HS6ST3: variants seen among roughly 807,000 people sequenced by gnomAD.
HS6ST3 encodes heparan sulfate 6-O-sulfotransferase 3, also known as heparan-sulfate 6-O-sulfotransferase 3.
A neutral mutation model predicts 36.7 loss-of-function variants in HS6ST3; 12 were observed. That is an observed-to-expected ratio of 0.33 (90% confidence interval 0.21 to 0.53). The LOEUF is 0.53. HS6ST3 is among the 20% of genes least tolerant of loss of function. The probability of loss-of-function intolerance (pLI) is 0.95; values close to 1 mark genes in which losing one functional copy is unlikely to be tolerated. For synonymous variants in HS6ST3, 240 were observed against 257.5 expected, an observed-to-expected ratio of 0.93 and a Z score of 0.65; for missense variants, 584 against 640.9, an observed-to-expected ratio of 0.91 and a Z score of 0.96.
chr13:96,387,827 C>G (rs188461714), intron 1 of HS6ST3, among the ~76,000 whole-genome samples: 2 of 152,266 alleles, frequency 1.3e-5, no homozygotes, highest in Middle Eastern at 3.4e-3. Flanking sequence ...GCATGATGAT[C>G]TTACAGGGGG....
chr13:96,391,359 G>C (rs748508818), intron 1 of HS6ST3, among the ~76,000 whole-genome samples: 1 of 152,128 alleles, frequency 6.6e-6, no homozygotes, highest in South Asian at 2.1e-4. Context: ...TGCATACTAA[G>C]ATTTATTTGA....
chr13:96,397,957 C>T (rs999677141), intron 1 of HS6ST3, among the ~76,000 whole-genome samples: 8 of 152,118 alleles, frequency 5.3e-5, no homozygotes, highest in African/African-American at 7.2e-5. Flanking sequence ...AGCTTCCAAA[C>T]GTAGTAGACA....
chr13:96,283,266 T>A (rs2139394824), intron 1 of HS6ST3, among the ~76,000 whole-genome samples: 1 of 152,356 alleles, frequency 6.6e-6, no homozygotes, highest in Non-Finnish European at 1.5e-5. Context: ...CTGGATTAAA[T>A]CATTGTTGTT....
At chr13:96,309,436 A>G (rs1020908692) in intron 1 of HS6ST3, among the ~76,000 whole-genome samples, 1 of 152,160 alleles carries the variant, frequency 6.6e-6, no homozygotes, top group African/African-American at 2.4e-5. Context: ...GAAATATTTA[A>G]TTGAATTCCT....
intron 1 of HS6ST3, among the ~76,000 whole-genome samples, chr13:96,406,132 T>C (rs909982212): frequency 1.3e-5 from 2 of 152,238 alleles, no homozygotes; most frequent in African/African-American, 4.8e-5. Flanking sequence ...GTATGTATTT[T>C]GGATTAGTTC....
intron 1 of HS6ST3, among the ~76,000 whole-genome samples, chr13:96,374,268 C>T (rs1009110182): frequency 2.0e-5 from 3 of 152,156 alleles, no homozygotes; most frequent in African/African-American, 7.2e-5. Flanking sequence ...ACCTAATTGA[C>T]AATCAATAAT....
chr13:96,357,839 TG>T (rs2139434269), intron 1 of HS6ST3, among the ~76,000 whole-genome samples: 1 of 152,294 alleles, frequency 6.6e-6, no homozygotes, highest in East Asian at 1.9e-4. Context: ...CCATCTCACG[TG>T]GGCTTGGTTG....
At chr13:96,335,890 G>T (rs1047636416) in intron 1 of HS6ST3, among the ~76,000 whole-genome samples, 1 of 152,184 alleles carries the variant, frequency 6.6e-6, no homozygotes, top group Non-Finnish European at 1.5e-5. Context: ...TTCTATATAT[G>T]AGACTTTCTT....
chr13:96,709,258 A>G (rs1271155214), intron 1 of HS6ST3, among the ~76,000 whole-genome samples: 1 of 152,214 alleles, frequency 6.6e-6, no homozygotes, highest in Non-Finnish European at 1.5e-5. Flanking sequence ...TCAGCCATGT[A>G]GAACTGTGAG....
intron 1 of HS6ST3, among the ~76,000 whole-genome samples, chr13:96,114,524 TA>T (rs1372179670): frequency 6.6e-6 from 1 of 152,196 alleles, no homozygotes; most frequent in Non-Finnish European, 1.5e-5. Context: ...CCAGTTCTGC[TA>T]CTTACCAGCT....
intron 1 of HS6ST3, among the ~76,000 whole-genome samples, chr13:96,515,011 A>G (rs555416192): frequency 1.3e-5 from 2 of 152,330 alleles, no homozygotes; most frequent in South Asian, 2.1e-4. Context: ...ATGATTATGC[A>G]CTAAAAACAA....
At chr13:96,314,704 T>C (rs2054959515) in intron 1 of HS6ST3, among the ~76,000 whole-genome samples, 1 of 152,318 alleles carries the variant, frequency 6.6e-6, no homozygotes, top group African/African-American at 2.4e-5. Flanking sequence ...TTCAGAATTA[T>C]TCAATTCAAA....
chr13:96,636,686 C>T (rs1355386653), intron 1 of HS6ST3, among the ~76,000 whole-genome samples: 1 of 152,162 alleles, frequency 6.6e-6, no homozygotes, highest in Non-Finnish European at 1.5e-5. Flanking sequence ...TTGCTAGAAA[C>T]TCAGAATATG....
intron 1 of HS6ST3, among the ~76,000 whole-genome samples, chr13:96,117,575 T>C (rs1167849586): frequency 6.6e-6 from 1 of 152,066 alleles, no homozygotes; most frequent in Non-Finnish European, 1.5e-5. Context: ...GAAAACATAA[T>C]ATCTATGAAA....
intron 1 of HS6ST3, among the ~76,000 whole-genome samples, chr13:96,579,316 C>T (rs540610683): frequency 2.0e-5 from 3 of 152,130 alleles, no homozygotes; most frequent in South Asian, 2.1e-4. Flanking sequence ...ACTTTTAATA[C>T]CCTGAAGCAA....
chr13:96,816,489 C>G (rs1047860649), intron 1 of HS6ST3, among the ~76,000 whole-genome samples: 1 of 152,224 alleles, frequency 6.6e-6, no homozygotes, highest in Non-Finnish European at 1.5e-5. Flanking sequence ...AGTGAGAACA[C>G]TGGCCTTCCT....
intron 1 of HS6ST3, among the ~76,000 whole-genome samples, chr13:96,145,078 T>C (rs2054050596): frequency 7.6e-6 from 1 of 131,578 alleles, no homozygotes; most frequent in African/African-American, 2.9e-5. Flanking sequence ...TCCAAGTCTT[T>C]GCTATTGTGA....
At chr13:96,438,799 C>T (rs1290498232) in intron 1 of HS6ST3, among the ~76,000 whole-genome samples, 1 of 152,186 alleles carries the variant, frequency 6.6e-6, no homozygotes, top group Non-Finnish European at 1.5e-5. Flanking sequence ...GGCACAGTGG[C>T]TCATGCCTGT....
chr13:96,137,436 A>ATT lies in HS6ST3; in HGVS notation c.707+45881_707+45882dup, dbSNP rs56884747. ...GCTCCCTAGAGGAACAATCCTGAACATTTTTTTTTTTTTTTGAGACAGAGT... is the reference window on the plus strand; with the variant it reads ...GCTCCCTAGAGGAACAATCCTGAACATTTTTTTTTTTTTTTTTGAGACAGAGT... On this transcript the variant is annotated intron_variant, in intron 1 of 1. Coordinates refer to ENST00000376705, the MANE Select transcript of HS6ST3 (RefSeq NM_153456.4). Among the ~76,000 whole-genome samples the ATT allele has an allele frequency of 2.5e-3, 349 of 141,436 alleles. 3 individuals are homozygous for ATT. The highest frequency in any genetic ancestry group is 3.4e-3 in the Non-Finnish European group (224 of 65,656). 92.8% of individuals were successfully genotyped at this position (141,436 alleles called of 152,430 possible). A position where few individuals can be genotyped will look rare whatever the true frequency, so the allele number is the denominator to read the frequency against.
Sources: allele counts gnomAD v4.1 joint callset (sites outside exome capture counted in the v4.1 genomes callset), GRCh38; gene constraint gnomAD v4.1.1; transcripts MANE v1.5; gene names NCBI Gene and HGNC (gene_info 2026-07-23, HGNC 2026-07-21).